KCNH7: variants seen among roughly 807,000 people sequenced by gnomAD.
KCNH7 encodes voltage-gated inwardly rectifying potassium channel KCNH7.
Under a neutral mutation model 120.8 loss-of-function variants are expected in KCNH7, and 49 were observed. That is an observed-to-expected ratio of 0.41 (90% CI 0.32 to 0.51). The LOEUF is 0.51. Among genes scored for constraint, KCNH7 ranks in the 20% least tolerant of loss-of-function variants. The pLI is 0.38. For synonymous variants in KCNH7, 547 were observed against 516.1 expected (o/e 1.06, Z -0.81); for missense variants, 1,097 against 1,446.6 (o/e 0.76, Z 3.92).
intron 2 of KCNH7, among the ~76,000 whole-genome samples, chr2:162,747,763 T>C (rs973271443): frequency 6.6e-6 from 1 of 152,100 alleles, no homozygotes; most frequent in African/African-American, 2.4e-5. Flanking sequence ...AATGGAATCC[T>C]CGATACTCAT....
intron 2 of KCNH7, among the ~76,000 whole-genome samples, chr2:162,541,277 AG>A (rs1415660797): frequency 1.3e-5 from 2 of 152,152 alleles, no homozygotes. Context: ...GAGGTCACAC[AG>A]GGAATCAATA....
At position 162,640,540 on chromosome 2, in the gene KCNH7, G is replaced by A. The variant is rs1446678890; in HGVS notation, c.308-103460C>T. On this transcript the variant is annotated intron_variant, in intron 2 of 15. Coordinates refer to ENST00000332142, the MANE Select transcript of KCNH7 (RefSeq NM_033272.4). ...ATTTGACCCAAGTCTCAAACCTTGT[G>A]CAAAAACTAACTCAAAATGTATCAC... 4.0e-5 allele frequency among the ~76,000 whole-genome samples: 6 copies of A among 151,846 alleles called. No individual in the cohort carries two copies. In the East Asian group the frequency reaches 1.2e-3, roughly 29 times the overall value.
At chr2:162,655,299 T>C (rs915325684) in intron 2 of KCNH7, among the ~76,000 whole-genome samples, 1 of 152,176 alleles carries the variant, frequency 6.6e-6, no homozygotes, top group African/African-American at 2.4e-5. Flanking sequence ...AATTAAAAAG[T>C]TTATTATTCC....
chr2:162,786,125 C>T (rs1031676824), intron 2 of KCNH7, among the ~76,000 whole-genome samples: 1 of 151,790 alleles, frequency 6.6e-6, no homozygotes, highest in Non-Finnish European at 1.5e-5. Flanking sequence ...TGCCTGTAAT[C>T]CCAGCTACTC....
At chr2:162,496,447 A>T (rs940430134) in intron 6 of KCNH7, among the ~76,000 whole-genome samples, 8 of 152,198 alleles carry the variant, frequency 5.3e-5, no homozygotes, top group Non-Finnish European at 1.2e-4. Context: ...CCTTATACAA[A>T]TATGGAACCC....
chr2:162,829,077 T>C (rs1032583761), intron 2 of KCNH7, among the ~76,000 whole-genome samples: 15 of 152,134 alleles, frequency 9.9e-5, no homozygotes, highest in African/African-American at 2.7e-4. Flanking sequence ...GCAGAGATTA[T>C]GGAATATTCA....
At chr2:162,668,141 T>C (rs574443784) in intron 2 of KCNH7, among the ~76,000 whole-genome samples, 1 of 152,252 alleles carries the variant, frequency 6.6e-6, no homozygotes, top group East Asian at 1.9e-4. Context: ...GTCAAGAAAG[T>C]AGGAAAAATA....
chr2:162,753,032 C>CT (rs1688657434), intron 2 of KCNH7, among the ~76,000 whole-genome samples: 2 of 15,384 alleles, frequency 1.3e-4, no homozygotes, highest in African/African-American at 2.2e-4. Context: ...AGAAAAGAAA[C>CT]CCTGACTAAT....
intron 2 of KCNH7, among the ~76,000 whole-genome samples, chr2:162,625,002 A>T (rs182504754): frequency 9.3e-4 from 139 of 148,924 alleles, no homozygotes; most frequent in African/African-American, 3.4e-3. Context: ...GGTTCAAGGA[A>T]TTCTCCTGCC....
chr2:162,826,219 C>A (rs984053254), intron 2 of KCNH7, among the ~76,000 whole-genome samples: 3 of 152,086 alleles, frequency 2.0e-5, no homozygotes, highest in African/African-American at 7.2e-5. Context: ...CAGAAAAATA[C>A]ATCAGCATAA....
chr2:162,625,194 G>A (rs1440250077), intron 2 of KCNH7, among the ~76,000 whole-genome samples: 1 of 152,074 alleles, frequency 6.6e-6, no homozygotes, highest in Non-Finnish European at 1.5e-5. Context: ...ACCATGCCAA[G>A]TCAAAGTGCA....
chr2:162,665,715 T>C (rs1431600997), intron 2 of KCNH7, among the ~76,000 whole-genome samples: 2 of 152,308 alleles, frequency 1.3e-5, no homozygotes, highest in South Asian at 4.1e-4. Flanking sequence ...TACTTCTAAT[T>C]ATCCAATGAT....
chr2:162,649,327 T>A lies in KCNH7; in HGVS notation c.308-112247A>T, dbSNP rs1307758757. ...CAAGACTTTTTGTTTTGAGAGAAGC[T>A]TAACTCTACACAAATGGTAAATTGT... On this transcript the variant is annotated intron_variant, in intron 2 of 15. Coordinates refer to ENST00000332142, the MANE Select transcript of KCNH7 (RefSeq NM_033272.4). 3.9e-5 allele frequency among the ~76,000 whole-genome samples: 6 copies of A among 152,210 alleles called. No homozygotes were observed. In the East Asian group the frequency reaches 1.2e-3, roughly 29 times the overall value.
chr2:162,770,681 T>C (rs1172585965), intron 2 of KCNH7, among the ~76,000 whole-genome samples: 1 of 136,394 alleles, frequency 7.3e-6, no homozygotes, highest in Non-Finnish European at 1.5e-5. Flanking sequence ...TTTCATCTCA[T>C]GAATCTTTAT....
At chr2:162,688,239 G>C (rs1177590629) in intron 2 of KCNH7, among the ~76,000 whole-genome samples, 1 of 152,022 alleles carries the variant, frequency 6.6e-6, no homozygotes, top group East Asian at 1.9e-4. Flanking sequence ...GCTACCTCAG[G>C]AAAAAACACA....
chr2:162,708,777 C>G (rs80020991), intron 2 of KCNH7, among the ~76,000 whole-genome samples: 2,422 of 152,082 alleles, frequency 0.016, 21 homozygotes, highest in Non-Finnish European at 0.027. Flanking sequence ...ACCCTGTCAT[C>G]CTGGAGAAAG....
chr2:162,544,907 G>A (rs1692427126), intron 2 of KCNH7, among the ~76,000 whole-genome samples: 1 of 152,112 alleles, frequency 6.6e-6, no homozygotes, highest in South Asian at 2.1e-4. Flanking sequence ...GGGAATTAAA[G>A]TGTTTAAGAA....
intron 7 of KCNH7, among the ~76,000 whole-genome samples, chr2:162,443,070 C>A (rs1023636332): frequency 1.3e-5 from 2 of 152,062 alleles, no homozygotes; most frequent in African/African-American, 2.4e-5. Flanking sequence ...AAAATCCCTG[C>A]CACTTTAAAA....
rs1467638495 is a variant in KCNH7 at position 162,592,231 on chromosome 2, G to C, written c.308-55151C>G. ...TATTCCTAGTCTCCTGATAGATAAA[G>C]GTTTCACCCACAATCTGCAACCAGC... On this transcript the variant is annotated intron_variant, in intron 2 of 15. Transcript: ENST00000332142. Among the ~76,000 whole-genome samples the C allele has an allele frequency of 2.6e-5, 4 of 151,982 alleles. No homozygotes were observed. The East Asian group carries it at 7.8e-4, about 29-fold the overall frequency.
Sources: allele counts gnomAD v4.1 joint callset (sites outside exome capture counted in the v4.1 genomes callset), GRCh38; gene constraint gnomAD v4.1.1; transcripts MANE v1.5; gene names NCBI Gene and HGNC (gene_info 2026-07-23, HGNC 2026-07-21).